KHDRBS2: variants seen among roughly 807,000 people sequenced by gnomAD.
KHDRBS2 encodes the protein KH RNA binding domain containing, signal transduction associated 2, also known as KH domain-containing, RNA-binding, signal transduction-associated protein 2.
Under a neutral mutation model 44.3 loss-of-function variants are expected in KHDRBS2, and 26 were observed. That is an observed-to-expected ratio of 0.59 (90% CI 0.43 to 0.81). The LOEUF (loss-of-function observed/expected upper bound fraction) is 0.81. Among genes scored for constraint, KHDRBS2 ranks in the 40% least tolerant of loss-of-function variants. KHDRBS2 has a pLI of 0.00. For missense variants in KHDRBS2, 476 were observed against 433.1 expected (o/e 1.10, Z -0.88); for synonymous variants, 194 against 151.1 (o/e 1.28, Z -2.08).
intron 6 of KHDRBS2, among the ~76,000 whole-genome samples, chr6:61,751,525 A>G (rs1265304497): frequency 6.6e-6 from 1 of 152,214 alleles, no homozygotes; most frequent in African/African-American, 2.4e-5. Context: ...TACATGACAC[A>G]AGTCTGAACT....
At chr6:61,917,090 C>T (rs1336069655) in intron 4 of KHDRBS2, among the ~76,000 whole-genome samples, 21 of 147,544 alleles carry the variant, frequency 1.4e-4, no homozygotes, top group African/African-American at 3.5e-4. Context: ...CAATTGTGCT[C>T]GTTATCTATC....
chr6:61,561,441 T>C, the KHDRBS2 span, among the ~76,000 whole-genome samples: 5 of 152,174 alleles, frequency 3.3e-5, no homozygotes, highest in Admixed American at 2.6e-4. Context: ...GGCAGTGAGT[T>C]TTCCTGGGCC....
At chr6:61,824,229 T>C (rs1790474568) in intron 6 of KHDRBS2, among the ~76,000 whole-genome samples, 1 of 152,114 alleles carries the variant, frequency 6.6e-6, no homozygotes, top group Non-Finnish European at 1.5e-5. Context: ...ACTGTGATCC[T>C]GAGTGTTGGA....
intron 7 of KHDRBS2, among the ~76,000 whole-genome samples, chr6:61,712,342 G>C (rs1342184992): frequency 2.0e-5 from 3 of 151,834 alleles, no homozygotes; most frequent in Non-Finnish European, 4.4e-5. Context: ...TATTGACAGA[G>C]GGATATTTTC....
At chr6:61,766,365 C>T (rs1301392866) in intron 6 of KHDRBS2, among the ~76,000 whole-genome samples, 2 of 151,760 alleles carry the variant, frequency 1.3e-5, no homozygotes, top group Non-Finnish European at 2.9e-5. Flanking sequence ...GGTCTTCTCT[C>T]TTTTTACTTA....
rs553452511 is a variant in KHDRBS2, at chr6:61,909,315, C to T, written c.484-7944G>A. On this transcript the variant is annotated intron_variant, in intron 4 of 8. Transcript: ENST00000281156. ...CACTCCTGAGCTCAAGTGATCCGCCCGTCTCAGCCTCCCAAAATGCTGGGA... is the reference window on the plus strand; with the variant it reads ...CACTCCTGAGCTCAAGTGATCCGCCTGTCTCAGCCTCCCAAAATGCTGGGA... Among the ~76,000 whole-genome samples the T allele has an allele frequency of 3.3e-5, 5 of 152,158 alleles. 1 individual carries two copies. The highest frequency in any genetic ancestry group is 3.9e-4 in the East Asian group (2 of 5,162).
intron 4 of KHDRBS2, among the ~76,000 whole-genome samples, chr6:61,963,648 T>G (rs1769257953): frequency 6.6e-6 from 1 of 151,986 alleles, no homozygotes; most frequent in African/African-American, 2.4e-5. Flanking sequence ...GTGTTCCAAA[T>G]AATATTTTGG....
chr6:61,668,758 CT>C, the KHDRBS2 span, among the ~76,000 whole-genome samples: 10 of 150,774 alleles, frequency 6.6e-5, no homozygotes, highest in Admixed American at 4.6e-4. Context: ...AATCTTTTTC[CT>C]TGTTTTTATA....
At chr6:61,740,539 T>C (rs1401354444) in intron 6 of KHDRBS2, among the ~76,000 whole-genome samples, 1 of 151,978 alleles carries the variant, frequency 6.6e-6, no homozygotes, top group East Asian at 1.9e-4. Context: ...CAGGGCTTTG[T>C]AGAGTAGGCT....
chr6:61,970,360 C>T (rs1368240360), intron 4 of KHDRBS2, among the ~76,000 whole-genome samples: 3 of 151,782 alleles, frequency 2.0e-5, no homozygotes, highest in African/African-American at 7.3e-5. Context: ...AAAAAAAATC[C>T]CATCATTTTA....
chr6:62,060,904 C>A (rs1791667773), intron 2 of KHDRBS2, among the ~76,000 whole-genome samples: 1 of 151,826 alleles, frequency 6.6e-6, no homozygotes, highest in African/African-American at 2.4e-5. Context: ...ATAACATGGT[C>A]TATGTTAAAA....
At chr6:61,726,485 C>T (rs1773586626) in intron 7 of KHDRBS2, among the ~76,000 whole-genome samples, 1 of 152,144 alleles carries the variant, frequency 6.6e-6, no homozygotes, top group Non-Finnish European at 1.5e-5. Flanking sequence ...GTCGAACTCT[C>T]TTTATTTGCA....
Position 62,167,316 on chromosome 6 carries a change from A to G in KHDRBS2, c.219+9869T>C, listed in dbSNP as rs116301239. On this transcript the variant is annotated intron_variant, in intron 2 of 8. Coordinates refer to ENST00000281156, the MANE Select transcript of KHDRBS2 (RefSeq NM_152688.4). The stretch of plus-strand genomic sequence containing the variant: ...AATGATGTGAGTAGAAGCACAACTA[A>G]TTCGGAATTAGAAATGCATGACTCA... Among the ~76,000 whole-genome samples, 409 of 152,272 alleles carry G rather than the reference A, an allele frequency of 2.7e-3. 1 individual carries two copies. The highest frequency in any genetic ancestry group is 9.2e-3 in the African/African-American group (383 of 41,568).
At chr6:62,203,256 T>C (rs1827340297) in intron 1 of KHDRBS2, among the ~76,000 whole-genome samples, 1 of 152,026 alleles carries the variant, frequency 6.6e-6, no homozygotes, top group Admixed American at 6.6e-5. Flanking sequence ...CATGAGCATA[T>C]TTACCTAGAA....
At chr6:61,621,510 C>T in the KHDRBS2 span, among the ~76,000 whole-genome samples, 1 of 152,112 alleles carries the variant, frequency 6.6e-6, no homozygotes, top group Non-Finnish European at 1.5e-5. Flanking sequence ...CAGTTAATAG[C>T]TCTCAATTAA....
chr6:61,911,830 AC>A (rs1806104596), intron 4 of KHDRBS2, among the ~76,000 whole-genome samples: 1 of 152,032 alleles, frequency 6.6e-6, no homozygotes, highest in African/African-American at 2.4e-5. Context: ...ATGCCACTTC[AC>A]AAAAATTATC....
intron 6 of KHDRBS2, among the ~76,000 whole-genome samples, chr6:61,804,255 C>G (rs540192961): frequency 6.6e-6 from 1 of 152,260 alleles, no homozygotes; most frequent in South Asian, 2.1e-4. Context: ...CTTAAAGCTC[C>G]AAAATAATCT....
intron 3 of KHDRBS2, among the ~76,000 whole-genome samples, chr6:62,025,374 A>G (rs1388142024): frequency 6.6e-6 from 1 of 151,706 alleles, no homozygotes; most frequent in East Asian, 1.9e-4. Flanking sequence ...GAAAAACTTT[A>G]AAGATATTGG....
chr6:61,720,035 T>G (rs1772136408), intron 7 of KHDRBS2, among the ~76,000 whole-genome samples: 1 of 152,094 alleles, frequency 6.6e-6, no homozygotes, highest in Non-Finnish European at 1.5e-5. Context: ...GGTGTTTGGT[T>G]TTTTGTTCTT....
Sources: gnomAD v4.1 joint callset for allele counts (sites outside exome capture counted in the v4.1 genomes callset) on GRCh38, gnomAD v4.1.1 for gene constraint, MANE v1.5 for transcripts, NCBI Gene and HGNC (gene_info 2026-07-23, HGNC 2026-07-21) for gene names.